Variants in TENT5C observed in about 807,000 individuals in gnomAD.
The protein encoded by TENT5C is family with sequence similarity 46 member C.
TENT5C carries 5 observed loss-of-function variants against 22.2 expected under a neutral mutation model. That is an observed-to-expected ratio of 0.22 (90% CI 0.12 to 0.47). The LOEUF is 0.47. TENT5C is among the 20% of genes least tolerant of loss of function. The pLI, the probability that TENT5C is intolerant of heterozygous loss-of-function variation, is 0.99. For synonymous variants in TENT5C, 199 were observed against 195.4 expected, an observed-to-expected ratio of 1.02 and a Z score of -0.15; for missense variants, 364 against 500.9, an observed-to-expected ratio of 0.73 and a Z score of 2.61.
At position 117,623,869 on chromosome 1, in the gene TENT5C, C is replaced by A; in HGVS notation, c.1001C>A (p.Ser334Tyr). ...HERRQTLNLI[S>Y]LLALRVLAEQ... The stretch of plus-strand genomic sequence containing the variant: ...CGCAGGCAGACTCTGAACCTCATCT[C>A]CCTCCTGGCCTTGCGTGTGCTGGCG... The change falls in exon 2 of 2, where the codon TCC becomes TAC. Residue 334 changes from serine (S) to tyrosine (Y), a missense_variant. Ser to Tyr is a moderately radical substitution (Grantham distance 144). Transcript: ENST00000369448. 1 of 1,614,206 alleles carries A rather than the reference C, an allele frequency of 6.2e-7. No homozygotes were observed. Among genetic ancestry groups the A allele is most frequent in the South Asian group, 1.1e-5 (1 of 91,084 alleles).
chr1:117,616,233 A>G (rs539250763), intron 1 of TENT5C, among the ~76,000 whole-genome samples: 7 of 152,324 alleles, frequency 4.6e-5, no homozygotes, highest in African/African-American at 1.7e-4. Flanking sequence ...TTAGATGGGA[A>G]TTGAAGTGAA....
intron 1 of TENT5C, among the ~76,000 whole-genome samples, chr1:117,612,170 C>G (rs1653682488): frequency 6.6e-6 from 1 of 152,182 alleles, no homozygotes; most frequent in Admixed American, 6.5e-5. Context: ...ATCTTTGTCT[C>G]TTTCTTCCCA....
rs919539351 is a variant in TENT5C at position 117,624,483 on chromosome 1, G to A, written c.*439G>A. On this transcript the variant is annotated 3_prime_UTR_variant, in exon 2 of 2. Coordinates refer to ENST00000369448, the MANE Select transcript of TENT5C (RefSeq NM_017709.4). The stretch of plus-strand genomic sequence containing the variant: ...TTCTCAGCAGTTACATGAAAGTTGT[G>A]CTGATAATCTCTTCTCTTGTACCAA... The A allele has an allele frequency of 1.2e-5, 3 of 254,890 alleles. No individual in the cohort carries two copies. The highest frequency in any genetic ancestry group is 6.6e-5 in the African/African-American group (3 of 45,558). 15.8% of individuals were successfully genotyped at this position (254,890 alleles called of 1,614,324 possible).
Position 117,623,540 on chromosome 1 carries a change from C to A in TENT5C, c.672C>A (p.Asp224Glu), listed in dbSNP as rs377384965. 5.7e-5 allele frequency: 92 copies of A among 1,613,884 alleles called. No individual in the cohort carries two copies. The highest frequency in any genetic ancestry group is 7.4e-5 in the Non-Finnish European group (87 of 1,180,006). The change falls in exon 2 of 2, where the codon GAC becomes GAA. Residue 224 changes from aspartate to glutamate, a missense_variant. Coordinates refer to ENST00000369448, the MANE Select transcript of TENT5C (RefSeq NM_017709.4). ...SMYGDFEEAF[D>E]HLQNRLIATK... ...ACGGGGACTTTGAGGAAGCTTTTGA[C>A]CATCTGCAGAACAGACTGATCGCCA...
chr1:117,608,711 G>C (rs1274429372), intron 1 of TENT5C, among the ~76,000 whole-genome samples: 1 of 149,934 alleles, frequency 6.7e-6, no homozygotes, highest in East Asian at 2.0e-4. Flanking sequence ...TGTTCATGGA[G>C]TTACCTACTA....
intron 1 of TENT5C, among the ~76,000 whole-genome samples, chr1:117,610,519 T>C (rs963566993): frequency 6.6e-6 from 1 of 152,174 alleles, no homozygotes; most frequent in African/African-American, 2.4e-5. Flanking sequence ...CCTCGATTCA[T>C]TAATACTTTG....
chr1:117,614,292 C>A (rs1305869541), intron 1 of TENT5C, among the ~76,000 whole-genome samples: 5 of 152,168 alleles, frequency 3.3e-5, no homozygotes, highest in African/African-American at 7.2e-5. Context: ...TCCATGTTGA[C>A]CCTGGTTTTT....
In TENT5C at chr1:117,624,223, C is replaced by A; in HGVS notation, c.*179C>A. The A allele has an allele frequency of 1.7e-6, 1 of 600,268 alleles. No homozygotes were observed. Among genetic ancestry groups the A allele is most frequent in the Non-Finnish European group, 2.9e-6 (1 of 342,440 alleles). The allele number at this position is 600,268 out of a possible 1,614,324, so 37.2% of individuals were successfully genotyped here. A position where few individuals can be genotyped will look rare whatever the true frequency, so the allele number is the denominator to read the frequency against. The stretch of plus-strand genomic sequence containing the variant: ...GAATGGGTCTACAGTGTATCATGAG[C>A]CAACCCTCAAAGGACCCGTATTACA... On this transcript the variant is annotated 3_prime_UTR_variant, in exon 2 of 2. Coordinates refer to ENST00000369448, the MANE Select transcript of TENT5C (RefSeq NM_017709.4).
In TENT5C at chr1:117,624,095, C is replaced by G. The variant is rs780445186; in HGVS notation, c.*51C>G. On this transcript the variant is annotated 3_prime_UTR_variant, in exon 2 of 2. Coordinates refer to ENST00000369448, the MANE Select transcript of TENT5C (RefSeq NM_017709.4). ...TGGGAACCCCAATAGGGCTAGGGCT[C>G]TCAGGTAGGGGAGCCTCCTTCTAGA... 2 of 1,483,240 alleles carry G rather than the reference C, an allele frequency of 1.3e-6. No individual in the cohort carries two copies. The highest frequency in any genetic ancestry group is 1.3e-5 in the South Asian group (1 of 76,154). The allele number at this position is 1,483,240 out of a possible 1,614,324, so 91.9% of individuals were successfully genotyped here.
intron 1 of TENT5C, among the ~76,000 whole-genome samples, chr1:117,618,618 G>A (rs1314876171): frequency 1.3e-5 from 2 of 152,032 alleles, no homozygotes; most frequent in Admixed American, 6.5e-5. Context: ...AGGAAAAAGG[G>A]GATTGAAGAA....
intron 1 of TENT5C, among the ~76,000 whole-genome samples, chr1:117,621,777 G>A (rs1357806760): frequency 2.6e-5 from 4 of 152,070 alleles, no homozygotes; most frequent in Non-Finnish European, 5.9e-5. Context: ...GCAAATATTC[G>A]ACTCGTGGCT....
rs1162541800 is a variant in TENT5C at position 117,627,482 on chromosome 1, T to TGTATTCTTAGCCCA, written c.*3438_*3439insGTATTCTTAGCCCA. ...TTGGTGCCTTGTATTGGGATACAGC[T>TGTATTCTTAGCCCA]ATATTCTTAGCTCAAATGTCCTCTT... On this transcript the variant is annotated 3_prime_UTR_variant, in exon 2 of 2. Transcript: ENST00000369448. 1 of 248,042 alleles carries TGTATTCTTAGCCCA rather than the reference T, an allele frequency of 4.0e-6. No individual in the cohort carries two copies. The highest frequency in any genetic ancestry group is 2.2e-5 in the African/African-American group (1 of 45,368). The allele number at this position is 248,042 out of a possible 1,614,324, so 15.4% of individuals were successfully genotyped here.
intron 1 of TENT5C, among the ~76,000 whole-genome samples, chr1:117,607,241 A>C (rs1328782271): frequency 6.6e-6 from 1 of 152,100 alleles, no homozygotes; most frequent in Non-Finnish European, 1.5e-5. Flanking sequence ...TTAGGGCTGG[A>C]CCCTGCGGGA....
At chr1:117,616,220 G>A (rs1653777298) in intron 1 of TENT5C, among the ~76,000 whole-genome samples, 1 of 152,132 alleles carries the variant, frequency 6.6e-6, no homozygotes, top group Non-Finnish European at 1.5e-5. Context: ...GTTCCTATGA[G>A]GATTAGATGG....
rs1653945069 is a variant in TENT5C at position 117,623,555 on chromosome 1, A to G, written c.687A>G (p.Arg229=). The change falls in exon 2 of 2, where the codon AGA becomes AGG. Residue 229 remains arginine (R), a synonymous_variant. Coordinates refer to ENST00000369448, the MANE Select transcript of TENT5C (RefSeq NM_017709.4). ...AAGCTTTTGACCATCTGCAGAACAG[A>G]CTGATCGCCACCAAGAACCCAGAAG... ...FEEAFDHLQN[R]LIATKNPEEI... The G allele has an allele frequency of 6.2e-7, 1 of 1,613,834 alleles. No homozygotes were observed. Among genetic ancestry groups the G allele is most frequent in the African/African-American group, 1.3e-5 (1 of 74,854 alleles).
intron 1 of TENT5C, among the ~76,000 whole-genome samples, chr1:117,610,189 G>A (rs1653634716): frequency 6.6e-6 from 1 of 152,138 alleles, no homozygotes; most frequent in Non-Finnish European, 1.5e-5. Context: ...AGGGCAGTAA[G>A]TGAGTCCGCC....
At chr1:117,609,539 A>C (rs1193881041) in intron 1 of TENT5C, among the ~76,000 whole-genome samples, 1 of 152,138 alleles carries the variant, frequency 6.6e-6, no homozygotes, top group Admixed American at 6.5e-5. Flanking sequence ...TGATTGAGTC[A>C]GTAAGTAGTT....
intron 1 of TENT5C, among the ~76,000 whole-genome samples, chr1:117,617,107 C>T (rs772070478): frequency 1.8e-4 from 27 of 152,340 alleles, no homozygotes; most frequent in Non-Finnish European, 2.6e-4. Context: ...CTCTCCCGCT[C>T]GCCCACCTTG....
At position 117,610,937 on chromosome 1, in the gene TENT5C, A is replaced by T. The variant is rs561055424; in HGVS notation, c.-28+4784A>T. Among the ~76,000 whole-genome samples the T allele has an allele frequency of 1.4e-3, 216 of 152,306 alleles. 1 individual carries two copies. The highest frequency in any genetic ancestry group is 5.1e-3 in the African/African-American group (214 of 41,564). ...TGTTACCATACTTAGCCTCCTATAA[A>T]AACATTTTGAGAAGAAAATTATCCA... On this transcript the variant is annotated intron_variant, in intron 1 of 1. Coordinates refer to ENST00000369448, the MANE Select transcript of TENT5C (RefSeq NM_017709.4).
Sources: gnomAD v4.1 joint callset for allele counts (sites outside exome capture counted in the v4.1 genomes callset) on GRCh38, gnomAD v4.1.1 for gene constraint, MANE v1.5 for transcripts, NCBI Gene and HGNC (gene_info 2026-07-23, HGNC 2026-07-21) for gene names.